The following THADA variants were observed in gnomAD, a reference collection of about 807,000 sequenced individuals.
THADA encodes THADA armadillo repeat containing.
THADA carries 213 observed loss-of-function variants against 219.8 expected under a neutral mutation model. That is an observed-to-expected ratio of 0.97 (90% CI 0.87 to 1.09). The LOEUF is 1.09. Among genes scored for constraint, THADA ranks in the 50% least tolerant of loss-of-function variants. The pLI is 0.00. For synonymous variants in THADA, 1,018 were observed against 828.9 expected (o/e 1.23, Z -3.92); for missense variants, 2,956 against 2,311.3 (o/e 1.28, Z -5.72).
At chr2:43,502,613 AAAAGAAAAAAG>A (rs1400546209) in intron 24 of THADA, among the ~76,000 whole-genome samples, 6 of 151,282 alleles carry the variant, frequency 4.0e-5, no homozygotes, top group Non-Finnish European at 8.8e-5. Context: ...GAAAGAAAGA[AAAAGAAAAAAG>A]AAAGAAAATA....
At chr2:43,506,998 T>A (rs1184003609) in intron 23 of THADA, among the ~76,000 whole-genome samples, 1 of 152,238 alleles carries the variant, frequency 6.6e-6, no homozygotes, top group Admixed American at 6.5e-5. Flanking sequence ...TATGTCTATA[T>A]TGAAAATATT....
At chr2:43,344,008 AG>A in intron 30 of THADA, 113 bp downstream of exon 30, 1 of 707,504 alleles carries the variant, frequency 1.4e-6, no homozygotes, top group Non-Finnish European at 2.4e-6. Context: ...TACTCCAATA[AG>A]TTTAGAAAAC....
intron 36 of THADA, among the ~76,000 whole-genome samples, chr2:43,248,164 T>TATATAGAG (rs1669412946): frequency 4.9e-5 from 2 of 40,934 alleles, no homozygotes; most frequent in East Asian, 1.6e-3. Context: ...TATATATATA[T>TATATAGAG]AGAGAGAGAG....
intron 22 of THADA, among the ~76,000 whole-genome samples, chr2:43,520,160 C>G (rs1178672854): frequency 6.6e-6 from 1 of 152,194 alleles, no homozygotes; most frequent in Non-Finnish European, 1.5e-5. Flanking sequence ...TCTATGTAGT[C>G]ACCAACCACA....
chr2:43,544,104 C>T (rs1356418632), intron 20 of THADA, among the ~76,000 whole-genome samples: 1 of 152,138 alleles, frequency 6.6e-6, no homozygotes, highest in East Asian at 1.9e-4. Flanking sequence ...AGCCTGTTTT[C>T]CCAGCACCAT....
At chr2:43,482,971 T>TA (rs1435302851) in intron 26 of THADA, among the ~76,000 whole-genome samples, 1 of 152,166 alleles carries the variant, frequency 6.6e-6, no homozygotes. Context: ...GGGGGCCTAT[T>TA]AAGGTCATCT....
chr2:43,408,191 C>T (rs1343045292), intron 28 of THADA: 1 of 152,266 alleles, frequency 6.6e-6, no homozygotes, highest in Non-Finnish European at 1.5e-5. Flanking sequence ...AAGAACCCCA[C>T]AGCAGACTGC....
At chr2:43,581,720 T>C (rs1700480089) in intron 8 of THADA, 21 bp downstream of exon 8, 1 of 1,593,994 alleles carries the variant, frequency 6.3e-7, no homozygotes, top group African/African-American at 1.4e-5. Flanking sequence ...ATATCATTTG[T>C]ATATAATTTG....
intron 29 of THADA, among the ~76,000 whole-genome samples, chr2:43,373,697 G>C (rs570897812): frequency 2.0e-5 from 3 of 152,018 alleles, no homozygotes; most frequent in African/African-American, 7.2e-5. Context: ...GGCTGGTCTC[G>C]AACTCCTTGG....
At chr2:43,468,141 T>C (rs1022790312) in intron 26 of THADA, among the ~76,000 whole-genome samples, 1 of 152,198 alleles carries the variant, frequency 6.6e-6, no homozygotes, top group Non-Finnish European at 1.5e-5. Flanking sequence ...TTGTTTATAT[T>C]TTAAATAAAT....
chr2:43,515,011 A>T (rs1192970604), intron 22 of THADA, among the ~76,000 whole-genome samples: 2 of 29,182 alleles, frequency 6.9e-5, no homozygotes, highest in African/African-American at 2.3e-4. Context: ...TATTATATAT[A>T]TTATATATTT....
intron 36 of THADA, among the ~76,000 whole-genome samples, chr2:43,253,891 T>G (rs192674863): frequency 6.6e-6 from 1 of 152,176 alleles, no homozygotes; most frequent in African/African-American, 2.4e-5. Context: ...GGCCTAGCAT[T>G]CCAGGTTTTA....
intron 29 of THADA, among the ~76,000 whole-genome samples, chr2:43,379,957 A>T (rs1451343227): frequency 6.6e-6 from 1 of 152,254 alleles, no homozygotes; most frequent in East Asian, 1.9e-4. Context: ...TTGTGATTTC[A>T]GTCACATGAC....
At chr2:43,246,408 T>A (rs1669152576) in intron 36 of THADA, among the ~76,000 whole-genome samples, 1 of 152,008 alleles carries the variant, frequency 6.6e-6, no homozygotes, top group Non-Finnish European at 1.5e-5. Flanking sequence ...GGCAGGAGAA[T>A]CACTTGAACC....
At chr2:43,455,020 T>C (rs945252126) in intron 26 of THADA, among the ~76,000 whole-genome samples, 3 of 152,206 alleles carry the variant, frequency 2.0e-5, no homozygotes, top group African/African-American at 4.8e-5. Flanking sequence ...TCATGTTCTT[T>C]AGTTCTACAT....
intron 28 of THADA, among the ~76,000 whole-genome samples, chr2:43,400,786 G>C (rs1674737300): frequency 6.6e-6 from 1 of 152,108 alleles, no homozygotes; most frequent in Non-Finnish European, 1.5e-5. Flanking sequence ...CACTGTGCCA[G>C]TGTCCAGTAA....
At chr2:43,356,608 C>A (rs1360097204) in intron 29 of THADA, among the ~76,000 whole-genome samples, 1 of 152,130 alleles carries the variant, frequency 6.6e-6, no homozygotes, top group Non-Finnish European at 1.5e-5. Flanking sequence ...CTCAAACTTT[C>A]TCAATTCAAA....
intron 30 of THADA, among the ~76,000 whole-genome samples, chr2:43,337,146 C>T (rs1432755510): frequency 6.6e-6 from 1 of 152,276 alleles, no homozygotes; most frequent in Non-Finnish European, 1.5e-5. Context: ...TTTGAGCCCT[C>T]TGGCTGACAC....
intron 37 of THADA, among the ~76,000 whole-genome samples, chr2:43,231,822 T>G (rs1461068244): frequency 1.3e-5 from 2 of 152,190 alleles, no homozygotes; most frequent in Non-Finnish European, 2.9e-5. Context: ...TGTCAGACAC[T>G]TACCATGTCT....
Sources: gnomAD v4.1 joint callset for allele counts (sites outside exome capture counted in the v4.1 genomes callset) on GRCh38, gnomAD v4.1.1 for gene constraint, MANE v1.5 for transcripts, NCBI Gene and HGNC (gene_info 2026-07-23, HGNC 2026-07-21) for gene names.